Variants in CFAP299 observed in about 807,000 individuals in gnomAD.
CFAP299 encodes the protein cilia- and flagella-associated protein 299.
A neutral mutation model predicts 27.0 loss-of-function variants in CFAP299; 21 were observed. The ratio of observed to expected loss-of-function variants is 0.78; its 90% CI spans 0.55 to 1.12. The LOEUF (loss-of-function observed/expected upper bound fraction) is 1.12, where lower values mean the gene tolerates loss of function less well. CFAP299 is among the 50% of genes most tolerant of loss of function. The pLI is 0.00. For synonymous variants in CFAP299, 104 were observed against 98.1 expected (o/e 1.06, Z -0.36); for missense variants, 310 against 276.6 (o/e 1.12, Z -0.86).
intron 5 of CFAP299, among the ~76,000 whole-genome samples, chr4:80,945,879 C>T (rs990542114): frequency 1.3e-5 from 2 of 151,932 alleles, no homozygotes; most frequent in African/African-American, 4.8e-5. Context: ...ATAGGCCAGG[C>T]GCGGTGGCTC....
chr4:80,448,178 C>T (rs1728735998), intron 2 of CFAP299, among the ~76,000 whole-genome samples: 1 of 152,218 alleles, frequency 6.6e-6, no homozygotes, highest in Non-Finnish European at 1.5e-5. Flanking sequence ...TGGGCAACCT[C>T]TTTATTCACC....
At chr4:80,344,300 T>C (rs1255216627) in intron 1 of CFAP299, among the ~76,000 whole-genome samples, 1 of 151,050 alleles carries the variant, frequency 6.6e-6, no homozygotes, top group African/African-American at 2.4e-5. Context: ...ATGGACACAA[T>C]CAGAAATGAT....
chr4:80,963,550 A>C lies in CFAP299; in HGVS notation c.640A>C (p.Ile214Leu), dbSNP rs369169570. 1.2e-6 allele frequency: 2 copies of C among 1,608,750 alleles called. No homozygotes were observed. The highest frequency in any genetic ancestry group is 1.7e-6 in the Non-Finnish European group (2 of 1,177,052). ...AGGTGACAACTCTACTAGAATCACTATCCTGACAGAACTCTACGTACAAGC... is the reference window on the plus strand; with the variant it reads ...AGGTGACAACTCTACTAGAATCACTCTCCTGACAGAACTCTACGTACAAGC... The part of the protein sequence containing the change: ...QPGDNSTRIT[I>L]LTELYVQAVI... Residue 214 changes from isoleucine (I) to leucine (L), a missense_variant, in exon 6 of 6, where the codon ATC (isoleucine) becomes CTC (leucine). Transcript: ENST00000358105.
chr4:80,482,979 C>A (rs1341437235), intron 2 of CFAP299, among the ~76,000 whole-genome samples: 1 of 152,156 alleles, frequency 6.6e-6, no homozygotes, highest in Non-Finnish European at 1.5e-5. Flanking sequence ...ATCCCTGGAA[C>A]CTGTGATTAT....
At chr4:80,372,331 G>T (rs1384856689) in intron 2 of CFAP299, among the ~76,000 whole-genome samples, 1 of 152,192 alleles carries the variant, frequency 6.6e-6, no homozygotes, top group Admixed American at 6.5e-5. Flanking sequence ...GGGGATTACA[G>T]TTTGGCATGA....
At chr4:80,894,902 T>C in intron 4 of CFAP299, among the ~76,000 whole-genome samples, 1 of 151,970 alleles carries the variant, frequency 6.6e-6, no homozygotes, top group Middle Eastern at 3.4e-3. Context: ...TGAAATAAGC[T>C]AGACACAGGA....
At chr4:80,688,429 C>A (rs7698867) in intron 3 of CFAP299, among the ~76,000 whole-genome samples, 1 of 152,148 alleles carries the variant, frequency 6.6e-6, no homozygotes. Context: ...AGCAGGGGCA[C>A]ACTGACACCT....
At chr4:80,532,707 C>G (rs1296632906) in intron 2 of CFAP299, among the ~76,000 whole-genome samples, 1 of 152,172 alleles carries the variant, frequency 6.6e-6, no homozygotes, top group Non-Finnish European at 1.5e-5. Context: ...TACATGTTAA[C>G]TACTGTTATT....
At chr4:80,737,035 T>C (rs928109601) in intron 3 of CFAP299, among the ~76,000 whole-genome samples, 3 of 151,898 alleles carry the variant, frequency 2.0e-5, no homozygotes, top group African/African-American at 4.8e-5. Context: ...AAATTGGAAA[T>C]CGTCATTCTC....
chr4:80,748,744 T>A (rs371464228), intron 3 of CFAP299, among the ~76,000 whole-genome samples: 2 of 152,296 alleles, frequency 1.3e-5, no homozygotes, highest in East Asian at 3.9e-4. Context: ...CTCATCAATA[T>A]TATCTCTAAA....
At chr4:80,837,715 T>C (rs1020154514) in intron 3 of CFAP299, among the ~76,000 whole-genome samples, 1 of 152,218 alleles carries the variant, frequency 6.6e-6, no homozygotes, top group Non-Finnish European at 1.5e-5. Flanking sequence ...TTCCAAGTCT[T>C]TACTATTGTG....
chr4:80,717,495 A>ACC (rs1354595360), intron 3 of CFAP299, among the ~76,000 whole-genome samples: 1 of 152,168 alleles, frequency 6.6e-6, no homozygotes, highest in Non-Finnish European at 1.5e-5. Context: ...TATGACTACT[A>ACC]GTCTTTTTCC....
chr4:80,377,082 A>T lies in CFAP299; in HGVS notation c.242+14198A>T, dbSNP rs144799743. ...TGTACCTTGTCTTTTTATTTCCTTAATAGTGTCTTTTGAAGAGTAGATTTA... is the reference window on the plus strand; with the variant it reads ...TGTACCTTGTCTTTTTATTTCCTTATTAGTGTCTTTTGAAGAGTAGATTTA... On this transcript the variant is annotated intron_variant, in intron 2 of 5. Coordinates refer to ENST00000358105, the MANE Select transcript of CFAP299 (RefSeq NM_152770.3). Among the ~76,000 whole-genome samples, 947 of 152,098 alleles carry T rather than the reference A, an allele frequency of 6.2e-3. 2 individuals carry two copies. The highest frequency in any genetic ancestry group is 0.024 in the Middle Eastern group (7 of 294).
At chr4:80,886,485 A>G (rs957004533) in intron 4 of CFAP299, among the ~76,000 whole-genome samples, 4 of 152,158 alleles carry the variant, frequency 2.6e-5, no homozygotes, top group Admixed American at 6.5e-5. Context: ...TAATCCAGAG[A>G]ATGTTTCCAG....
At chr4:80,463,278 A>G (rs983506231) in intron 2 of CFAP299, among the ~76,000 whole-genome samples, 9 of 152,216 alleles carry the variant, frequency 5.9e-5, no homozygotes, top group Non-Finnish European at 7.4e-5. Flanking sequence ...GCAAATGGCT[A>G]TTTTAAAAAA....
intron 3 of CFAP299, among the ~76,000 whole-genome samples, chr4:80,789,352 T>C (rs1727422476): frequency 6.6e-6 from 1 of 151,992 alleles, no homozygotes; most frequent in African/African-American, 2.4e-5. Context: ...TATTAGTATA[T>C]TTGGGTCAAG....
intron 2 of CFAP299, among the ~76,000 whole-genome samples, chr4:80,402,716 A>T (rs1726224028): frequency 6.6e-6 from 1 of 152,230 alleles, no homozygotes; most frequent in Non-Finnish European, 1.5e-5. Flanking sequence ...TATCAGAGCA[A>T]ACTGCTCTGG....
chr4:80,482,271 A>T (rs1175650159), intron 2 of CFAP299, among the ~76,000 whole-genome samples: 4 of 151,936 alleles, frequency 2.6e-5, no homozygotes, highest in Admixed American at 6.6e-5. Context: ...TCTGACCATG[A>T]ACAGGTATTA....
chr4:80,632,287 C>G (rs1191475819), intron 3 of CFAP299, among the ~76,000 whole-genome samples: 1 of 89,084 alleles, frequency 1.1e-5, no homozygotes, highest in Admixed American at 1.3e-4. Flanking sequence ...AACAAATATG[C>G]TTTAAGTTAT....
Sources: gnomAD v4.1 joint callset for allele counts (sites outside exome capture counted in the v4.1 genomes callset) on GRCh38, gnomAD v4.1.1 for gene constraint, MANE v1.5 for transcripts, NCBI Gene and HGNC (gene_info 2026-07-23, HGNC 2026-07-21) for gene names.